Variants in ANKS1B observed in about 807,000 individuals in gnomAD.
ANKS1B encodes ankyrin repeat and sterile alpha motif domain containing 1B.
ANKS1B carries 36 observed loss-of-function variants against 148.3 expected under a neutral mutation model. The ratio of observed to expected loss-of-function variants is 0.24; its 90% CI spans 0.19 to 0.32. The LOEUF is 0.32. ANKS1B is among the 10% of genes least tolerant of loss of function. The pLI, the probability that ANKS1B is intolerant of heterozygous loss-of-function variation, is 1.00. For missense variants in ANKS1B, 1,157 were observed against 1,542.6 expected, an observed-to-expected ratio of 0.75 and a Z score of 4.19; for synonymous variants, 542 against 560.8, an observed-to-expected ratio of 0.97 and a Z score of 0.47.
At chr12:99,903,910 A>C (rs2093687777) in intron 1 of ANKS1B, among the ~76,000 whole-genome samples, 1 of 152,148 alleles carries the variant, frequency 6.6e-6, no homozygotes, top group South Asian at 2.1e-4. Context: ...AAAAAAAATA[A>C]AAAGTTGCCA....
chr12:98,977,341 T>C (rs987037492), intron 17 of ANKS1B, among the ~76,000 whole-genome samples: 1 of 152,330 alleles, frequency 6.6e-6, no homozygotes, highest in Non-Finnish European at 1.5e-5. Flanking sequence ...GAACATAGCA[T>C]CCTTGGCTGA....
intron 9 of ANKS1B, among the ~76,000 whole-genome samples, chr12:99,642,347 T>C (rs1168793730): frequency 8.2e-6 from 1 of 121,420 alleles, no homozygotes; most frequent in Non-Finnish European, 1.9e-5. Flanking sequence ...TGACCTAATT[T>C]CTGTAGCTAT....
chr12:99,738,564 TAGATA>T (rs2059817159), intron 8 of ANKS1B, among the ~76,000 whole-genome samples: 1 of 152,200 alleles, frequency 6.6e-6, no homozygotes, highest in Admixed American at 6.5e-5. Context: ...GACTGACTTC[TAGATA>T]AGATGACTGA....
At position 99,132,930 on chromosome 12, in the gene ANKS1B, A is replaced by T. The variant is rs576632886; in HGVS notation, c.2526+21359T>A. ...CTTCAAATGGGTCTTGGAGCTGGAA[A>T]CTTAAAATTCATTGAAAACTGTGCC... On this transcript the variant is annotated intron_variant, in intron 15 of 26. Transcript: ENST00000683438. 5.3e-3 allele frequency among the ~76,000 whole-genome samples: 809 copies of T among 152,128 alleles called. 2 individuals carry two copies. Among genetic ancestry groups the T allele is most frequent in the Non-Finnish European group, 8.6e-3 (585 of 68,006 alleles).
Position 99,040,770 on chromosome 12 carries a change from C to G in ANKS1B, c.2778+12387G>C, listed in dbSNP as rs140886275. ...ACAAAAGTGTCTTTAGGTCAATCAA[C>G]AGGTATTTATTTGCCACCTCCGGTG... On this transcript the variant is annotated intron_variant, in intron 17 of 26. Transcript: ENST00000683438. Among the ~76,000 whole-genome samples, 420 of 152,322 alleles carry G rather than the reference C, an allele frequency of 2.8e-3. 2 individuals are homozygous for G. The highest frequency in any genetic ancestry group is 9.6e-3 in the African/African-American group (399 of 41,570).
chr12:98,833,658 G>A (rs2153700309), intron 17 of ANKS1B, among the ~76,000 whole-genome samples: 1 of 152,198 alleles, frequency 6.6e-6, no homozygotes, highest in South Asian at 2.1e-4. Flanking sequence ...TACACTGAGT[G>A]ATGCTGAGGT....
chr12:99,893,940 T>A (rs142732457), intron 1 of ANKS1B, among the ~76,000 whole-genome samples: 1 of 152,108 alleles, frequency 6.6e-6, no homozygotes, highest in Non-Finnish European at 1.5e-5. Context: ...AATAGCACTA[T>A]GATGGACATA....
chr12:99,780,314 T>C (rs991814090), intron 5 of ANKS1B, among the ~76,000 whole-genome samples: 3 of 152,092 alleles, frequency 2.0e-5, no homozygotes, highest in Admixed American at 1.3e-4. Flanking sequence ...CTCACTCTGT[T>C]GCCCAGGCTG....
chr12:99,095,934 G>A (rs1180341271), intron 15 of ANKS1B, among the ~76,000 whole-genome samples: 1 of 152,142 alleles, frequency 6.6e-6, no homozygotes, highest in Admixed American at 6.6e-5. Context: ...AAACTAAAAC[G>A]GATGCAAAAT....
intron 17 of ANKS1B, among the ~76,000 whole-genome samples, chr12:98,861,190 T>C (rs1487097114): frequency 3.3e-5 from 5 of 152,214 alleles, no homozygotes; most frequent in Admixed American, 2.0e-4. Flanking sequence ...TTTCATAATT[T>C]TCCAGCCAAG....
At chr12:99,050,931 T>TTGTG (rs921023847) in intron 17 of ANKS1B, among the ~76,000 whole-genome samples, 1 of 151,712 alleles carries the variant, frequency 6.6e-6, no homozygotes, top group African/African-American at 2.4e-5. Flanking sequence ...TCTCCTGATG[T>TTGTG]TGTGATCCGC....
intron 1 of ANKS1B, among the ~76,000 whole-genome samples, chr12:99,959,227 A>ATTTTTTTTTTTTTTT (rs71088166): frequency 3.0e-5 from 3 of 99,898 alleles, no homozygotes; most frequent in East Asian, 3.1e-4. Flanking sequence ...CACCCAGTTA[A>ATTTTTTTTTTTTTTT]TTTTTTTTTT....
chr12:99,573,288 T>C (rs2097481068), intron 9 of ANKS1B, among the ~76,000 whole-genome samples: 1 of 152,116 alleles, frequency 6.6e-6, no homozygotes, highest in African/African-American at 2.4e-5. Context: ...TAGATTCTAC[T>C]AGGTTATAGA....
At chr12:98,804,071 T>G (rs771167051) in intron 20 of ANKS1B, among the ~76,000 whole-genome samples, 9 of 152,222 alleles carry the variant, frequency 5.9e-5, no homozygotes, top group Non-Finnish European at 1.2e-4. Context: ...TGCTCTCCCA[T>G]GACTCCACTT....
At chr12:98,901,480 T>C (rs374177039) in intron 17 of ANKS1B, among the ~76,000 whole-genome samples, 1 of 152,306 alleles carries the variant, frequency 6.6e-6, no homozygotes, top group East Asian at 1.9e-4. Context: ...CAAATAAATC[T>C]TTTCAACCAT....
At chr12:98,901,197 A>G (rs185684) in intron 17 of ANKS1B, among the ~76,000 whole-genome samples, 132,985 of 152,210 alleles carry the variant, frequency 0.87, 58,506 homozygotes, top group East Asian at 0.94. Flanking sequence ...TTGAATTTTA[A>G]TTGCTTTCCA....
chr12:98,736,793 G>T (rs191060559), intron 9 of ANKS1B, among the ~76,000 whole-genome samples: 2 of 152,342 alleles, frequency 1.3e-5, no homozygotes, highest in Non-Finnish European at 2.9e-5. Context: ...GAATGCAGCA[G>T]GCATGGGCCC....
intron 17 of ANKS1B, among the ~76,000 whole-genome samples, chr12:98,856,080 C>A (rs531133639): frequency 6.6e-6 from 1 of 152,124 alleles, no homozygotes; most frequent in Non-Finnish European, 1.5e-5. Flanking sequence ...ATTGTTTAGA[C>A]GGAAGGTTGC....
intron 8 of ANKS1B, among the ~76,000 whole-genome samples, chr12:99,702,923 T>G (rs1212110551): frequency 6.6e-6 from 1 of 152,070 alleles, no homozygotes; most frequent in Non-Finnish European, 1.5e-5. Context: ...ATTTAAGTCT[T>G]TAATCCACTT....
Sources: allele counts gnomAD v4.1 joint callset (sites outside exome capture counted in the v4.1 genomes callset), GRCh38; gene constraint gnomAD v4.1.1; transcripts MANE v1.5; gene names NCBI Gene and HGNC (gene_info 2026-07-23, HGNC 2026-07-21).